The following TTLL11 variants were observed in gnomAD, a reference collection of about 807,000 sequenced individuals.
TTLL11 encodes tubulin tyrosine ligase like 11, also known as tubulin polyglutamylase TTLL11.
In TTLL11, 42 loss-of-function variants were observed where a neutral mutation model predicts 51.7. The observed-to-expected ratio is 0.81, with a 90% CI of 0.64 to 1.05. The LOEUF (loss-of-function observed/expected upper bound fraction) is 1.05, where lower values mean the gene tolerates loss of function less well. Ranked by LOEUF, TTLL11 falls within the 50% of genes least tolerant of loss-of-function variation. The pLI is 0.00. For synonymous variants in TTLL11, 381 were observed against 383.5 expected, an observed-to-expected ratio of 0.99 and a Z score of 0.08; for missense variants, 799 against 940.4, an observed-to-expected ratio of 0.85 and a Z score of 1.97.
chr9:121,877,113 C>T (rs879791580), intron 6 of TTLL11, among the ~76,000 whole-genome samples: 3 of 152,198 alleles, frequency 2.0e-5, no homozygotes, highest in Non-Finnish European at 4.4e-5. Context: ...TGCCGCATGG[C>T]AAAGGGACAT....
intron 1 of TTLL11, among the ~76,000 whole-genome samples, chr9:122,074,106 T>G (rs971076017): frequency 6.6e-6 from 1 of 152,040 alleles, no homozygotes; most frequent in African/African-American, 2.4e-5. Context: ...GACCCCATCT[T>G]TACCAAATAT....
intron 3 of TTLL11, among the ~76,000 whole-genome samples, chr9:122,004,793 G>A (rs983716080): frequency 5.9e-5 from 9 of 152,218 alleles, no homozygotes; most frequent in African/African-American, 2.2e-4. Flanking sequence ...CACGTTGGCG[G>A]AGGCCATGGG....
At chr9:121,990,265 T>A (rs1843072353) in intron 3 of TTLL11, among the ~76,000 whole-genome samples, 1 of 152,242 alleles carries the variant, frequency 6.6e-6, no homozygotes. Context: ...TGGAGTCAGA[T>A]GGCCTGGGCT....
intron 6 of TTLL11, among the ~76,000 whole-genome samples, chr9:121,947,200 A>T (rs745735331): frequency 1.3e-5 from 2 of 152,174 alleles, no homozygotes; most frequent in African/African-American, 2.4e-5. Context: ...TGGTTGTTAA[A>T]AACCACTGAT....
intron 3 of TTLL11, among the ~76,000 whole-genome samples, chr9:121,999,011 A>G (rs938627739): frequency 1.3e-5 from 2 of 152,220 alleles, no homozygotes; most frequent in African/African-American, 4.8e-5. Context: ...AAAAAGTGGC[A>G]GAGTTAACTA....
chr9:122,039,446 C>T (rs2131824774), intron 1 of TTLL11, 78 bp from the exon 2 acceptor site: 3 of 1,093,102 alleles, frequency 2.7e-6, no homozygotes, highest in East Asian at 2.4e-5. Context: ...TGTACAAATT[C>T]CTGGCACCCT....
chr9:121,881,466 C>T (rs1034030082), intron 6 of TTLL11, among the ~76,000 whole-genome samples: 1 of 152,208 alleles, frequency 6.6e-6, no homozygotes, highest in Non-Finnish European at 1.5e-5. Context: ...GTCAGATACT[C>T]CCTCTTCAGA....
chr9:121,968,456 C>T (rs1353882757), intron 6 of TTLL11, among the ~76,000 whole-genome samples: 1 of 152,200 alleles, frequency 6.6e-6, no homozygotes, highest in Non-Finnish European at 1.5e-5. Flanking sequence ...TTTTAGGATA[C>T]ATCATTGATT....
chr9:122,064,285 A>G (rs192585257), intron 1 of TTLL11, among the ~76,000 whole-genome samples: 11 of 152,318 alleles, frequency 7.2e-5, no homozygotes, highest in Admixed American at 3.3e-4. Context: ...ACAGTGAAAA[A>G]CTTTCTTTTG....
intron 1 of TTLL11, among the ~76,000 whole-genome samples, chr9:122,092,225 GCAAAGTGTAGTGAGACC>G (rs1195175650): frequency 6.6e-6 from 1 of 152,176 alleles, no homozygotes; most frequent in Non-Finnish European, 1.5e-5. Context: ...CAGCTAAGTA[GCAAAGTGTAGTGAGACC>G]CTAGGCCTGT....
intron 6 of TTLL11, among the ~76,000 whole-genome samples, chr9:121,893,371 AG>A (rs1032027789): frequency 1.0e-4 from 14 of 135,286 alleles, no homozygotes; most frequent in African/African-American, 3.6e-4. Context: ...TGTGTGTGTG[AG>A]GGGGGCCATG....
chr9:121,921,386 G>A (rs955994480), intron 6 of TTLL11, among the ~76,000 whole-genome samples: 1 of 152,164 alleles, frequency 6.6e-6, no homozygotes, highest in Non-Finnish European at 1.5e-5. Flanking sequence ...GCAGGGGGGT[G>A]AACAGAGCTT....
intron 1 of TTLL11, among the ~76,000 whole-genome samples, chr9:122,074,512 GT>G (rs1034435094): frequency 3.3e-5 from 5 of 152,008 alleles, no homozygotes; most frequent in Non-Finnish European, 4.4e-5. Context: ...TATTTGGGTG[GT>G]TTTTTTATTT....
chr9:121,892,133 T>TATATATATAA (rs1839265454), intron 6 of TTLL11, among the ~76,000 whole-genome samples: 1 of 146,894 alleles, frequency 6.8e-6, no homozygotes. Flanking sequence ...CTTCTACCTT[T>TATATATATAA]ATATATATAC....
intron 6 of TTLL11, among the ~76,000 whole-genome samples, chr9:121,935,804 C>T (rs901895176): frequency 5.9e-5 from 9 of 152,160 alleles, no homozygotes; most frequent in African/African-American, 2.2e-4. Context: ...GGGGTTCTGG[C>T]TCAGGTACCT....
chr9:122,048,071 A>T (rs554050070), intron 1 of TTLL11, among the ~76,000 whole-genome samples: 1 of 152,092 alleles, frequency 6.6e-6, no homozygotes, highest in African/African-American at 2.4e-5. Flanking sequence ...CTCATCTCTC[A>T]CCAGCCTCCT....
chr9:122,070,017 A>G (rs921496388), intron 1 of TTLL11, among the ~76,000 whole-genome samples: 20 of 147,988 alleles, frequency 1.4e-4, no homozygotes, highest in East Asian at 3.9e-4. Context: ...ACACACGCGC[A>G]CACACACACA....
chr9:121,843,549 G>C (rs1837424113), intron 8 of TTLL11, among the ~76,000 whole-genome samples: 1 of 152,078 alleles, frequency 6.6e-6, no homozygotes, highest in African/African-American at 2.4e-5. Context: ...AAAAAGATTA[G>C]AGAAAATCTT....
At chr9:121,856,432 T>C (rs77774924) in intron 8 of TTLL11, among the ~76,000 whole-genome samples, 2,637 of 152,272 alleles carry the variant, frequency 0.017, 94 homozygotes, top group African/African-American at 0.06. Context: ...AGGTTTTCCA[T>C]CTGTTGAATG....
Sources: allele counts gnomAD v4.1 joint callset (sites outside exome capture counted in the v4.1 genomes callset), GRCh38; gene constraint gnomAD v4.1.1; transcripts MANE v1.5; gene names NCBI Gene and HGNC (gene_info 2026-07-23, HGNC 2026-07-21).